The following RGPD8 variants were observed in gnomAD, a reference collection of about 807,000 sequenced individuals.
RGPD8 encodes the protein RANBP2-like and GRIP domain-containing protein 8.
RGPD8 carries 15 observed loss-of-function variants against 89.1 expected under a neutral mutation model. That is an observed-to-expected ratio of 0.17 (90% CI 0.11 to 0.26). RGPD8 has a LOEUF of 0.26. Ranked by LOEUF, RGPD8 falls within the 10% of genes least tolerant of loss-of-function variation. RGPD8 has a pLI of 1.00. For missense variants in RGPD8, 178 were observed against 1,179.6 expected, an observed-to-expected ratio of 0.15 and a Z score of 12.44; for synonymous variants, 62 against 420.9, an observed-to-expected ratio of 0.15 and a Z score of 10.44.
intron 22 of RGPD8, among the ~76,000 whole-genome samples, chr2:112,375,170 T>G (rs1678091740): frequency 9.9e-6 from 1 of 100,822 alleles, no homozygotes; most frequent in South Asian, 4.0e-4. Flanking sequence ...CCTTACATTC[T>G]CTCTCTTAAA....
chr2:112,423,982 A>G (rs1679652097), intron 2 of RGPD8, among the ~76,000 whole-genome samples: 1 of 152,228 alleles, frequency 6.6e-6, no homozygotes, highest in Non-Finnish European at 1.5e-5. Flanking sequence ...AACAGAAGAC[A>G]ATTTTTAGAA....
At position 112,380,892 on chromosome 2, in the gene RGPD8, C is replaced by T; in HGVS notation, c.4993G>A (p.Ala1665Thr). 2 of 1,326,898 alleles carry T rather than the reference C, an allele frequency of 1.5e-6. No homozygotes were observed. The highest frequency in any genetic ancestry group is 2.1e-6 in the Non-Finnish European group (2 of 946,916). The allele number at this position is 1,326,898 out of a possible 1,614,324, so 82.2% of individuals were successfully genotyped here. A position where few individuals can be genotyped will look rare whatever the true frequency, so the allele number is the denominator to read the frequency against. ...CGAAGCAGGCCGTTTAAGTGATCTG[C>T]ACTTTTTGTGGTGGAACGGAGCTTC... ...VQKLRSTTKSADHLNGLLREI... is the reference protein window; with the variant it reads ...VQKLRSTTKSTDHLNGLLREI... The change falls in exon 21 of 23, where the codon GCA becomes ACA. Residue 1665 changes from alanine to threonine, a missense_variant. Ala to Thr is a moderately conservative substitution (Grantham distance 58). Transcript: ENST00000302558.
At chr2:112,390,370 T>C in intron 19 of RGPD8, 123 bp from the exon 20 acceptor site, 2 of 719,512 alleles carry the variant, frequency 2.8e-6, no homozygotes, top group Non-Finnish European at 4.4e-6. Context: ...ATGATGATGA[T>C]GATAACATTT....
At chr2:112,422,265 TA>T (rs1168482398) in intron 3 of RGPD8, among the ~76,000 whole-genome samples, 153 bp from the exon 4 acceptor site, 2 of 124,252 alleles carry the variant, frequency 1.6e-5, no homozygotes, top group African/African-American at 6.3e-5. Context: ...GGTGTTAAAA[TA>T]AAAGTGTCTT....
At position 112,389,937 on chromosome 2, in the gene RGPD8, A is replaced by G; in HGVS notation, c.3008T>C (p.Phe1003Ser). 1 of 1,505,080 alleles carries G rather than the reference A, an allele frequency of 6.6e-7. No homozygotes were observed. The highest frequency in any genetic ancestry group is 8.9e-7 in the Non-Finnish European group (1 of 1,120,496). 93.2% of individuals were successfully genotyped at this position (1,505,080 alleles called of 1,614,324 possible). Residue 1003 changes from phenylalanine to serine, a missense_variant, in exon 20 of 23, where the codon TTC becomes TCC. Physicochemically the swap from Phe to Ser is radical, Grantham distance 155 (BLOSUM62 -2). Coordinates refer to ENST00000302558, the MANE Select transcript of RGPD8 (RefSeq NM_001164463.1). ...GGCCATTTTACCGTATCGTGATGAGAATAATTTTTCTCCAGCACCTGAAAA... is the reference window on the plus strand; with the variant it reads ...GGCCATTTTACCGTATCGTGATGAGGATAATTTTTCTCCAGCACCTGAAAA... The part of the protein sequence containing the change: ...KGFSGAGEKL[F>S]SSRYGKMANK...
At chr2:112,391,151 AC>A (rs1161733602) in intron 18 of RGPD8, 82 bp from the exon 19 acceptor site, 2 of 789,414 alleles carry the variant, frequency 2.5e-6, no homozygotes, top group African/African-American at 3.4e-5. Flanking sequence ...AGCTATAAAT[AC>A]AAAAGCAATA....
intron 21 of RGPD8, among the ~76,000 whole-genome samples, chr2:112,379,548 T>C (rs1395902321): frequency 2.7e-5 from 4 of 147,636 alleles, no homozygotes; most frequent in Non-Finnish European, 4.5e-5. Flanking sequence ...TGAGCTGAGA[T>C]TGCACCACTG....
intron 6 of RGPD8, among the ~76,000 whole-genome samples, chr2:112,415,173 G>A (rs2104815661): frequency 6.6e-6 from 1 of 151,686 alleles, no homozygotes; most frequent in East Asian, 1.9e-4. Context: ...CACGAGGTCA[G>A]GAGATCGAGA....
At chr2:112,411,045 T>C (rs1326473441) in intron 7 of RGPD8, among the ~76,000 whole-genome samples, 6 of 151,928 alleles carry the variant, frequency 3.9e-5, no homozygotes, top group African/African-American at 9.7e-5. Flanking sequence ...GATGGCGCCA[T>C]TGCACTCCAG....
chr2:112,414,995 G>C (rs1264881192), intron 6 of RGPD8, among the ~76,000 whole-genome samples: 2 of 132,116 alleles, frequency 1.5e-5, no homozygotes, highest in African/African-American at 3.0e-5. Flanking sequence ...ACTCCAGCCT[G>C]GGCAACAGAG....
chr2:112,376,159 G>A (rs1410742668), intron 22 of RGPD8, among the ~76,000 whole-genome samples: 2 of 100,794 alleles, frequency 2.0e-5, no homozygotes, highest in African/African-American at 6.7e-5. Flanking sequence ...AGATGATTCA[G>A]ATGCCTGCTC....
At chr2:112,432,729 C>A (rs900571082) in intron 1 of RGPD8, 1 of 985,218 alleles carries the variant, frequency 1.0e-6, no homozygotes, top group Admixed American at 6.1e-5. Context: ...GCCAGAAAGC[C>A]CGGGCCAGGG....
At chr2:112,391,648 G>C in intron 18 of RGPD8, among the ~76,000 whole-genome samples, 1 of 132,144 alleles carries the variant, frequency 7.6e-6, no homozygotes, top group Non-Finnish European at 1.6e-5. Context: ...TGCTCCCTCT[G>C]TTTGGTCTGT....
chr2:112,411,156 C>T (rs1679177270), intron 7 of RGPD8, among the ~76,000 whole-genome samples: 1 of 152,236 alleles, frequency 6.6e-6, no homozygotes, highest in Non-Finnish European at 1.5e-5. Flanking sequence ...TTTTCCCTCC[C>T]CAAGCAAAAA....
intron 1 of RGPD8, among the ~76,000 whole-genome samples, chr2:112,425,951 G>A (rs1679752437): frequency 6.6e-6 from 1 of 152,032 alleles, no homozygotes; most frequent in African/African-American, 2.4e-5. Flanking sequence ...CAAATTTAAT[G>A]TCTTGTCCAT....
In RGPD8 at chr2:112,425,271, A is replaced by C. The variant is rs575402241; in HGVS notation, c.73-964T>G. Reference sequence around the variant, plus strand: ...CCTACCATGTGTAAGCCTCTATGGGAAAGAATAAATAAGTACTTAGGATCT... The same window carrying C: ...CCTACCATGTGTAAGCCTCTATGGGCAAGAATAAATAAGTACTTAGGATCT... On this transcript the variant is annotated intron_variant, in intron 1 of 22. Transcript: ENST00000302558. 1.4e-4 allele frequency among the ~76,000 whole-genome samples: 21 copies of C among 148,160 alleles called. 2 individuals carry two copies. The highest frequency in any genetic ancestry group is 1.3e-3 in the Admixed American group (19 of 14,878).
chr2:112,408,696 G>A (rs1181461935), intron 7 of RGPD8, among the ~76,000 whole-genome samples: 1 of 151,566 alleles, frequency 6.6e-6, no homozygotes, highest in Non-Finnish European at 1.5e-5. Context: ...TTGAGATGGA[G>A]TCTCGCTCTG....
In RGPD8 at chr2:112,388,401, G is replaced by GC. The variant is rs768718561; in HGVS notation, c.4543dup (p.Ala1515GlyfsTer6). On this transcript the variant is annotated frameshift_variant, in exon 20 of 23. Transcript: ENST00000302558. LOFTEE classifies it high-confidence loss of function. ...GCTAGACACTTCAACTTCTGAAGCTGCATCTGCTACATCATCACCCTGAAT... is the reference window on the plus strand; with the variant it reads ...GCTAGACACTTCAACTTCTGAAGCTGCCATCTGCTACATCATCACCCTGAAT... 1 of 1,558,326 alleles carries GC rather than the reference G, an allele frequency of 6.4e-7. No individual in the cohort carries two copies. The highest frequency in any genetic ancestry group is 2.3e-5 in the East Asian group (1 of 44,212).
chr2:112,389,221 T>A lies in RGPD8; in HGVS notation c.3724A>T (p.Thr1242Ser). ...TTATCCCATTCTAATGTGGGCCCAG[T>A]GTTTTCAGCATTGGGTTTTATTGTT... ...DTTIKPNAEN[T>S]GPTLEWDNYD... is the part of the protein sequence containing the mutation. Residue 1242 changes from threonine (T) to serine (S), a missense_variant, in exon 20 of 23, where the codon ACT becomes TCT. Physicochemically the swap from Thr to Ser is moderately conservative, Grantham distance 58. Transcript: ENST00000302558. The A allele has an allele frequency of 6.4e-7, 1 of 1,572,404 alleles. No homozygotes were observed. Among genetic ancestry groups the A allele is most frequent in the Non-Finnish European group, 8.7e-7 (1 of 1,151,896 alleles).
Sources: allele counts gnomAD v4.1 joint callset (sites outside exome capture counted in the v4.1 genomes callset), GRCh38; gene constraint gnomAD v4.1.1; transcripts MANE v1.5; gene names NCBI Gene and HGNC (gene_info 2026-07-23, HGNC 2026-07-21).